Variants in PDGFC observed in about 807,000 individuals in gnomAD.
The protein encoded by PDGFC is platelet derived growth factor C, also known as platelet-derived growth factor C.
In PDGFC, 12 loss-of-function variants were observed where a neutral mutation model predicts 35.5. The ratio of observed to expected loss-of-function variants is 0.34; its 90% CI spans 0.22 to 0.55. The LOEUF (loss-of-function observed/expected upper bound fraction) is 0.55. PDGFC is among the 20% of genes least tolerant of loss of function. PDGFC has a pLI of 0.91. For synonymous variants in PDGFC, 159 were observed against 148.8 expected (o/e 1.07, Z -0.50); for missense variants, 322 against 412.4 (o/e 0.78, Z 1.90).
At chr4:156,834,025 T>C (rs949008432) in intron 2 of PDGFC, among the ~76,000 whole-genome samples, 1 of 152,104 alleles carries the variant, frequency 6.6e-6, no homozygotes, top group African/African-American at 2.4e-5. Flanking sequence ...CATTGAGAGG[T>C]ATCTTCTTCC....
intron 1 of PDGFC, among the ~76,000 whole-genome samples, chr4:156,898,669 CT>C (rs982811864): frequency 1.3e-5 from 2 of 151,030 alleles, no homozygotes; most frequent in African/African-American, 4.9e-5. Context: ...TTCTTTTGCT[CT>C]TTTTTTCAGA....
chr4:156,834,191 A>C (rs951126849), intron 2 of PDGFC, among the ~76,000 whole-genome samples: 3 of 152,208 alleles, frequency 2.0e-5, no homozygotes, highest in Admixed American at 6.5e-5. Context: ...ATCTTGAGAC[A>C]TGTAAACAAA....
chr4:156,781,260 T>C (rs915698839), intron 3 of PDGFC, among the ~76,000 whole-genome samples: 2 of 152,256 alleles, frequency 1.3e-5, no homozygotes, highest in Non-Finnish European at 2.9e-5. Flanking sequence ...ATCTGACCAT[T>C]TTCCCTACTT....
chr4:156,821,377 G>A lies in PDGFC; in HGVS notation c.315-10360C>T, dbSNP rs145618251. 1.1e-3 allele frequency among the ~76,000 whole-genome samples: 171 copies of A among 151,760 alleles called. 1 individual carries two copies. The highest frequency in any genetic ancestry group is 3.8e-3 in the African/African-American group (155 of 41,328). On this transcript the variant is annotated intron_variant, in intron 2 of 5. Coordinates refer to ENST00000502773, the MANE Select transcript of PDGFC (RefSeq NM_016205.3). ...CCCAAGCAGCTGGGACTACAGGTGC[G>A]AGGCATCACATCTGAATTTTTTTTT...
intron 1 of PDGFC, among the ~76,000 whole-genome samples, chr4:156,931,425 G>A (rs537078290): frequency 2.6e-5 from 4 of 152,222 alleles, no homozygotes; most frequent in East Asian, 3.9e-4. Flanking sequence ...TTGCATTCAC[G>A]TCTTCGGTTA....
intron 5 of PDGFC, among the ~76,000 whole-genome samples, chr4:156,766,916 T>C (rs748556864): frequency 7.9e-5 from 12 of 152,140 alleles, no homozygotes; most frequent in Non-Finnish European, 1.5e-4. Context: ...ATATGAAAAA[T>C]CATTTTATTT....
chr4:156,805,076 CAG>C (rs1022048946), intron 3 of PDGFC, among the ~76,000 whole-genome samples: 2 of 151,894 alleles, frequency 1.3e-5, no homozygotes, highest in Non-Finnish European at 2.9e-5. Context: ...AGAAATGAAA[CAG>C]AGACACCATG....
chr4:156,914,268 C>G (rs535475053), intron 1 of PDGFC, among the ~76,000 whole-genome samples: 118 of 152,206 alleles, frequency 7.8e-4, no homozygotes, highest in African/African-American at 2.6e-3. Context: ...AAACCAGAAC[C>G]AAGTGTGCTT....
chr4:156,861,733 T>C (rs1729714294), intron 1 of PDGFC, among the ~76,000 whole-genome samples: 2 of 152,166 alleles, frequency 1.3e-5, no homozygotes, highest in African/African-American at 2.4e-5. Flanking sequence ...AAGAGCATTA[T>C]TTGGAATAAA....
At chr4:156,807,011 C>G (rs963190625) in intron 3 of PDGFC, among the ~76,000 whole-genome samples, 1 of 150,884 alleles carries the variant, frequency 6.6e-6, no homozygotes, top group African/African-American at 2.4e-5. Context: ...GCTAATCTAC[C>G]AGGTCTTTTT....
At chr4:156,889,191 T>C (rs1028927645) in intron 1 of PDGFC, among the ~76,000 whole-genome samples, 8 of 152,202 alleles carry the variant, frequency 5.3e-5, no homozygotes, top group African/African-American at 1.4e-4. Context: ...CTTAACACTA[T>C]GCACATTATT....
At chr4:156,948,455 G>T (rs1408408711) in intron 1 of PDGFC, among the ~76,000 whole-genome samples, 3 of 151,922 alleles carry the variant, frequency 2.0e-5, no homozygotes, top group Non-Finnish European at 4.4e-5. Context: ...TCTTAAGCCT[G>T]AAGGGCCACC....
chr4:156,941,985 A>G (rs1039860357), intron 1 of PDGFC, among the ~76,000 whole-genome samples: 1 of 152,214 alleles, frequency 6.6e-6, no homozygotes, highest in Admixed American at 6.5e-5. Flanking sequence ...TTAGTGAATA[A>G]AGGCAAGTAT....
chr4:156,882,404 T>C (rs1040256113), intron 1 of PDGFC, among the ~76,000 whole-genome samples: 1 of 152,202 alleles, frequency 6.6e-6, no homozygotes, highest in African/African-American at 2.4e-5. Context: ...TCACAGAATC[T>C]ACCTTATGTG....
chr4:156,885,945 A>G (rs78113674), intron 1 of PDGFC, among the ~76,000 whole-genome samples: 1 of 152,178 alleles, frequency 6.6e-6, no homozygotes, highest in Non-Finnish European at 1.5e-5. Flanking sequence ...AACTTCCAAT[A>G]TAACAAAATA....
chr4:156,883,153 T>A (rs887476522), intron 1 of PDGFC, among the ~76,000 whole-genome samples: 1 of 152,070 alleles, frequency 6.6e-6, no homozygotes, highest in African/African-American at 2.4e-5. Context: ...CTAGCTGTAG[T>A]ACCATTTCTA....
At chr4:156,821,391 G>C (rs915661888) in intron 2 of PDGFC, among the ~76,000 whole-genome samples, 3 of 150,678 alleles carry the variant, frequency 2.0e-5, no homozygotes, top group Admixed American at 2.0e-4. Flanking sequence ...CATCACATCT[G>C]AATTTTTTTT....
At chr4:156,869,396 A>C (rs981322951) in intron 1 of PDGFC, among the ~76,000 whole-genome samples, 2 of 151,952 alleles carry the variant, frequency 1.3e-5, no homozygotes, top group Non-Finnish European at 2.9e-5. Flanking sequence ...AGATTGCGCC[A>C]CTGCACTCCA....
intron 2 of PDGFC, 50 bp from the exon 3 acceptor site, chr4:156,811,067 G>T: frequency 7.8e-7 from 1 of 1,277,652 alleles, no homozygotes; most frequent in Non-Finnish European, 1.1e-6. Flanking sequence ...CTGTTATTCT[G>T]GCAATTACAA....
Sources: gnomAD v4.1 joint callset for allele counts (sites outside exome capture counted in the v4.1 genomes callset) on GRCh38, gnomAD v4.1.1 for gene constraint, MANE v1.5 for transcripts, NCBI Gene and HGNC (gene_info 2026-07-23, HGNC 2026-07-21) for gene names.